The following NXF1 variants were observed in gnomAD, a reference collection of about 807,000 sequenced individuals.
NXF1 encodes the protein nuclear RNA export factor 1.
Under a neutral mutation model 92.4 loss-of-function variants are expected in NXF1, and 43 were observed. That is an observed-to-expected ratio of 0.47 (90% CI 0.36 to 0.60). NXF1 has a LOEUF of 0.60. Among genes scored for constraint, NXF1 ranks in the 20% least tolerant of loss-of-function variants. The pLI, the probability that NXF1 is intolerant of heterozygous loss-of-function variation, is 0.00. For missense variants in NXF1, 576 were observed against 793.0 expected (o/e 0.73, Z 3.29); for synonymous variants, 288 against 292.2 (o/e 0.99, Z 0.15).
chr11:62,802,867 C>T (rs2084494458), intron 3 of NXF1, among the ~76,000 whole-genome samples: 1 of 152,210 alleles, frequency 6.6e-6, no homozygotes, highest in African/African-American at 2.4e-5. Flanking sequence ...CCACACTCAG[C>T]CTGAGCCAAA....
At chr11:62,792,573 T>C in intron 20 of NXF1, 59 bp from the exon 21 acceptor site, 1 of 1,612,938 alleles carries the variant, frequency 6.2e-7, no homozygotes, top group Non-Finnish European at 8.5e-7. Flanking sequence ...GCAACCCCAC[T>C]CAGCTAACCT....
chr11:62,799,521 G>A (rs2084456752), intron 10 of NXF1: 2 of 985,786 alleles, frequency 2.0e-6, no homozygotes, highest in Non-Finnish European at 1.2e-6. Flanking sequence ...GCCCCTCTGC[G>A]ACTGTGCCTG....
intron 3 of NXF1, among the ~76,000 whole-genome samples, chr11:62,803,175 C>T (rs547715030): frequency 2.3e-4 from 35 of 152,130 alleles, no homozygotes; most frequent in African/African-American, 5.3e-4. Context: ...AAAAATTAGC[C>T]GGGCGTGGTG....
In NXF1 at chr11:62,796,561, A is replaced by G. The variant is rs2084422267; in HGVS notation, c.1185T>C (p.Tyr395=). The G allele has an allele frequency of 3.7e-6, 6 of 1,608,624 alleles. No individual in the cohort carries two copies. The highest frequency in any genetic ancestry group is 2.7e-5 in the African/African-American group (2 of 74,950). Reference sequence around the variant, plus strand: ...GTCGGTCTCCAGAGTCGTAAATTGCATAGTACCTATGGGAAAAACAAAAAA... The same window carrying G: ...GTCGGTCTCCAGAGTCGTAAATTGCGTAGTACCTATGGGAAAAACAAAAAA... ...SLVLHFLQQY[Y]AIYDSGDRQG... Residue 395 remains tyrosine (Y), a synonymous_variant, in exon 14 of 21, where the codon TAT becomes TAC. Transcript: ENST00000294172.
At chr11:62,800,039 G>A (rs2084461352) in intron 10 of NXF1, 27 of 1,099,764 alleles carry the variant, frequency 2.5e-5, no homozygotes, top group Non-Finnish European at 3.0e-5. Context: ...CCATCTATAG[G>A]GTATGTACAA....
chr11:62,798,435 AT>A (rs1245748531), intron 11 of NXF1, 103 bp downstream of exon 11: 2 of 1,458,346 alleles, frequency 1.4e-6, no homozygotes, highest in Non-Finnish European at 1.8e-6. Context: ...TCCGTCTCAA[AT>A]AAAAAAAAAA....
Position 62,792,388 on chromosome 11 carries a change from C to T in NXF1, c.*88G>A. The T allele has an allele frequency of 6.5e-7, 1 of 1,544,244 alleles. No homozygotes were observed. ...GTCACAGTCACGGGGCGGCCTCGGG[C>T]CAGACAGGAGGAGATGACAGACGAC... On this transcript the variant is annotated 3_prime_UTR_variant, in exon 21 of 21. Coordinates refer to ENST00000294172, the MANE Select transcript of NXF1 (RefSeq NM_006362.5).
intron 10 of NXF1, 176 bp downstream of exon 10, chr11:62,800,201 G>C (rs1363322834): frequency 1.5e-5 from 22 of 1,425,522 alleles, no homozygotes; most frequent in Non-Finnish European, 1.9e-5. Flanking sequence ...GAACATCTCA[G>C]GACAAAGCTG....
In NXF1 at chr11:62,797,818, C is replaced by T. The variant is rs115224284; in HGVS notation, c.1054-432G>A. Among the ~76,000 whole-genome samples the T allele has an allele frequency of 9.0e-3, 1,360 of 151,934 alleles. 14 individuals are homozygous for T. The highest frequency in any genetic ancestry group is 0.031 in the African/African-American group (1,275 of 41,456). Reference sequence around the variant, plus strand: ...AGAAGGGTCAGAAGTCAAGTGTAAACGCATCATGAAAAGTATCCAGGGATC... The same window carrying T: ...AGAAGGGTCAGAAGTCAAGTGTAAATGCATCATGAAAAGTATCCAGGGATC... On this transcript the variant is annotated intron_variant, in intron 11 of 20. Transcript: ENST00000294172.
rs755878576 is a variant in NXF1 at position 62,800,357 on chromosome 11, A to G, written c.1016+20T>C. The stretch of plus-strand genomic sequence containing the variant: ...AGGGGGTGAAGGTCCCCAGGAGGGG[A>G]GACACAGGCTACAACTGACCTGATG... On this transcript the variant is annotated intron_variant, in intron 10 of 20. Transcript: ENST00000294172. The G allele has an allele frequency of 3.1e-6, 5 of 1,613,828 alleles. No homozygotes were observed. The highest frequency in any genetic ancestry group is 4.2e-6 in the Non-Finnish European group (5 of 1,179,878).
chr11:62,805,101 A>AC (rs1839722693), intron 1 of NXF1: 1 of 386,810 alleles, frequency 2.6e-6, no homozygotes, highest in Non-Finnish European at 4.6e-6. Flanking sequence ...CCGTCACCCT[A>AC]CCCCCGAGCC....
chr11:62,802,939 C>G (rs1252226132), intron 3 of NXF1, among the ~76,000 whole-genome samples: 7 of 152,166 alleles, frequency 4.6e-5, no homozygotes, highest in African/African-American at 1.7e-4. Flanking sequence ...CTCTTCCACC[C>G]CTTCTCTGAA....
chr11:62,794,685 A>G, intron 18 of NXF1: 1 of 586,072 alleles, frequency 1.7e-6, no homozygotes, highest in African/African-American at 1.9e-5. Flanking sequence ...AACTTAGGAA[A>G]TGAATATTGT....
chr11:62,801,260 T>A (rs765628110), intron 8 of NXF1, 59 bp from the exon 9 acceptor site: 55 of 1,603,404 alleles, frequency 3.4e-5, no homozygotes, highest in Admixed American at 3.0e-4. Context: ...GAGACGAATC[T>A]GCCCTCCAGC....
chr11:62,794,270 T>C lies in NXF1; in HGVS notation c.1748A>G (p.Glu583Gly). The change falls in exon 19 of 21, where the codon GAG (glutamate) becomes GGG (glycine). Residue 583 changes from glutamate (E) to glycine (G), a missense_variant. Physicochemically the swap from Glu to Gly is moderately conservative, Grantham distance 98. This residue lies in a region of NXF1 where 425 missense variants were observed against 635.2 expected (regional missense o/e 0.67). Coordinates refer to ENST00000294172, the MANE Select transcript of NXF1 (RefSeq NM_006362.5). ...GCCCCGCACTCACTTCTGGGACCAC[T>C]CGAGGTTCATGCCAGACTGGGTAGA... The part of the protein sequence containing the change: ...AFSTQSGMNL[E>G]WSQKCLQDNN... 6.2e-7 allele frequency: 1 copy of C among 1,613,632 alleles called. No individual in the cohort carries two copies. The highest frequency in any genetic ancestry group is 8.5e-7 in the Non-Finnish European group (1 of 1,179,622).
intron 3 of NXF1, among the ~76,000 whole-genome samples, chr11:62,802,572 G>A (rs2084490606): frequency 6.6e-6 from 1 of 152,064 alleles, no homozygotes; most frequent in African/African-American, 2.4e-5. Flanking sequence ...GGAGTAGCTA[G>A]GACTACAGGC....
chr11:62,803,520 C>G lies in NXF1; in HGVS notation c.268G>C (p.Asp90His). Residue 90 changes from aspartate (D) to histidine (H), a missense_variant, in exon 3 of 21, where the codon GAT becomes CAT. Physicochemically the swap from Asp to His is moderately conservative, Grantham distance 81 (BLOSUM62 -1). This residue lies in a region of NXF1 where 151 missense variants were observed against 157.8 expected (regional missense o/e 0.96). Transcript: ENST00000294172. ...NRRGDTWHDR[D>H]RIHVTVRRDR... ...CTCCGCACAGTAACATGAATGCGAT[C>G]TCGATCATGCCAAGTATCACCCCGA... 1 of 1,614,080 alleles carries G rather than the reference C, an allele frequency of 6.2e-7. No individual in the cohort carries two copies. The highest frequency in any genetic ancestry group is 8.5e-7 in the Non-Finnish European group (1 of 1,180,016).
chr11:62,800,201 G>A (rs1363322834), intron 10 of NXF1, 176 bp downstream of exon 10: 3 of 1,425,640 alleles, frequency 2.1e-6, no homozygotes, highest in Non-Finnish European at 2.8e-6. Context: ...GAACATCTCA[G>A]GACAAAGCTG....
At chr11:62,800,126 T>C (rs1338577566) in intron 10 of NXF1, 2 of 1,348,334 alleles carry the variant, frequency 1.5e-6, no homozygotes, top group Non-Finnish European at 1.9e-6. Flanking sequence ...GAAAAGGTTG[T>C]GTTCAGGAAG....
Sources: gnomAD v4.1 joint callset for allele counts (sites outside exome capture counted in the v4.1 genomes callset) on GRCh38, gnomAD v4.1.1 for gene constraint, gnomAD v4.1.1 regional missense constraint, MANE v1.5 for transcripts, NCBI Gene and HGNC (gene_info 2026-07-23, HGNC 2026-07-21) for gene names.